The following DMBT1 variants were observed in gnomAD, a reference collection of about 807,000 sequenced individuals.
DMBT1 encodes the protein deleted in malignant brain tumors 1.
Under a neutral mutation model 252.9 loss-of-function variants are expected in DMBT1, and 198 were observed. The observed-to-expected ratio is 0.78, with a 90% CI of 0.70 to 0.88. The LOEUF (loss-of-function observed/expected upper bound fraction) is 0.88. Among genes scored for constraint, DMBT1 ranks in the 40% least tolerant of loss-of-function variants. The pLI is 0.00. For synonymous variants in DMBT1, 990 were observed against 942.7 expected, an observed-to-expected ratio of 1.05 and a Z score of -0.92; for missense variants, 2,432 against 2,404.7, an observed-to-expected ratio of 1.01 and a Z score of -0.24.
chr10:122,635,575 G>A (rs1195371938), intron 52 of DMBT1, among the ~76,000 whole-genome samples: 2 of 152,120 alleles, frequency 1.3e-5, no homozygotes, highest in African/African-American at 4.8e-5. Context: ...TTTTGAGACA[G>A]GGCCTCACTC....
intron 1 of DMBT1, among the ~76,000 whole-genome samples, chr10:122,563,688 T>A (rs1175697799): frequency 2.0e-5 from 3 of 152,028 alleles, no homozygotes; most frequent in Admixed American, 6.5e-5. Context: ...TACAGCTATG[T>A]GGTTGATTCT....
rs369664042 is a variant in DMBT1 at position 122,636,102 on chromosome 10, C to G, written c.6660C>G (p.Ser2220=). The change falls in exon 53 of 56, where the codon TCC becomes TCG. Residue 2220 remains serine (S), a synonymous_variant. Transcript: ENST00000338354. ...GGGCCAGAGGCTCCTTCACTTCTTCCTCCAACTTCATGTCCATTCGCTTCA... is the reference window on the plus strand; with the variant it reads ...GGGCCAGAGGCTCCTTCACTTCTTCGTCCAACTTCATGTCCATTCGCTTCA... The part of the protein sequence containing the change: ...CDGARGSFTS[S]SNFMSIRFIS... 29 of 1,614,008 alleles carry G rather than the reference C, an allele frequency of 1.8e-5. No homozygotes were observed. In the African/African-American group the frequency reaches 3.6e-4, roughly 20 times the overall value.
chr10:122,620,974 G>T, intron 43 of DMBT1, 83 bp from the exon 44 acceptor site: 1 of 1,586,312 alleles, frequency 6.3e-7, no homozygotes, highest in Non-Finnish European at 8.6e-7. Flanking sequence ...TTGGCCATTA[G>T]GAAGTGCCCT....
chr10:122,643,496 C>T lies in DMBT1; in HGVS notation c.*98C>T. 2 of 1,453,682 alleles carry T rather than the reference C, an allele frequency of 1.4e-6. No individual in the cohort carries two copies. The highest frequency in any genetic ancestry group is 1.8e-6 in the Non-Finnish European group (2 of 1,083,658). The allele number at this position is 1,453,682 out of a possible 1,614,324, so 90.0% of individuals were successfully genotyped here. A position where few individuals can be genotyped will look rare whatever the true frequency, so the allele number is the denominator to read the frequency against. Reference sequence around the variant, plus strand: ...GTGTCATATTCCAACTCAGATTGAGCCCTACATTGTGCTGCACCTGGTCAT... The same window carrying T: ...GTGTCATATTCCAACTCAGATTGAGTCCTACATTGTGCTGCACCTGGTCAT... On this transcript the variant is annotated 3_prime_UTR_variant, in exon 56 of 56. Transcript: ENST00000338354.
Position 122,573,767 on chromosome 10 carries a change from C to G in DMBT1, c.283+5C>G, listed in dbSNP as rs372835037. On this transcript the variant is annotated splice_donor_5th_base_variant and intron_variant, in intron 6 of 55. Coordinates refer to ENST00000338354, the MANE Select transcript of DMBT1 (RefSeq NM_001377530.1). ...TGGAGTCAACTGTAGCAGAAGGTAA[C>G]GTCTACTATGGGGGATCCCTGTAGG... 2 of 1,613,560 alleles carry G rather than the reference C, an allele frequency of 1.2e-6. No individual in the cohort carries two copies. The highest frequency in any genetic ancestry group is 1.3e-5 in the African/African-American group (1 of 74,914).
intron 46 of DMBT1, 127 bp from the exon 47 acceptor site, chr10:122,629,713 A>T: frequency 8.5e-7 from 1 of 1,171,412 alleles, no homozygotes; most frequent in Non-Finnish European, 1.2e-6. Flanking sequence ...GGACTTGTTT[A>T]CAGGGAAAGT....
At chr10:122,590,844 C>A in intron 18 of DMBT1, 150 bp downstream of exon 18, 2 of 1,044,418 alleles carry the variant, frequency 1.9e-6, no homozygotes, top group Admixed American at 2.1e-5. Context: ...TAGCATGGAG[C>A]TTCTTAACCA....
chr10:122,593,154 G>T lies in DMBT1; in HGVS notation c.2501-415G>T, dbSNP rs187442771. 1.4e-4 allele frequency among the ~76,000 whole-genome samples: 21 copies of T among 148,970 alleles called. 4 individuals carry two copies. In the East Asian group the frequency reaches 3.5e-3, roughly 25 times the overall value. On this transcript the variant is annotated intron_variant, in intron 20 of 55. Coordinates refer to ENST00000338354, the MANE Select transcript of DMBT1 (RefSeq NM_001377530.1). Reference sequence around the variant, plus strand: ...TCAGAACGCTGCAGAGCACTGCCTTGCCCTGGGTCTGGTGTGGGGAGGGCA... The same window carrying T: ...TCAGAACGCTGCAGAGCACTGCCTTTCCCTGGGTCTGGTGTGGGGAGGGCA...
intron 46 of DMBT1, among the ~76,000 whole-genome samples, chr10:122,626,275 T>C (rs1227169845): frequency 1.3e-5 from 2 of 152,236 alleles, no homozygotes; most frequent in African/African-American, 4.8e-5. Context: ...ACCATATGGC[T>C]ATGTTTCAAT....
chr10:122,634,164 C>A (rs1266753688), intron 52 of DMBT1, among the ~76,000 whole-genome samples: 1 of 152,070 alleles, frequency 6.6e-6, no homozygotes, highest in Non-Finnish European at 1.5e-5. Flanking sequence ...ACAAAAAGAA[C>A]AATTGTATCT....
chr10:122,598,811 A>T lies in DMBT1; in HGVS notation c.2994A>T (p.Gly998=), dbSNP rs556706179. Residue 998 remains glycine, a synonymous_variant, in exon 26 of 56, where the codon GGA becomes GGT. Transcript: ENST00000338354. The stretch of plus-strand genomic sequence containing the variant: ...GTTTGGCCCTGAGGCTGGTGAATGG[A>T]GGTGACAGGTGTCAGGGCCGAGTGG... ...ESSLALRLVN[G]GDRCQGRVEV... is the part of the protein sequence containing the mutation. 6.2e-7 allele frequency: 1 copy of T among 1,613,438 alleles called. No homozygotes were observed. The highest frequency in any genetic ancestry group is 1.1e-5 in the South Asian group (1 of 91,044).
Position 122,591,382 on chromosome 10 carries a change from G to A in DMBT1, c.2138-97G>A, listed in dbSNP as rs2097847923. On this transcript the variant is annotated intron_variant, in intron 18 of 55. Transcript: ENST00000338354. Reference sequence around the variant, plus strand: ...CAAGTGGCAGGAACTAGAAATGGAAGAATATTCATGATGCTTGCCTTGTCC... The same window carrying A: ...CAAGTGGCAGGAACTAGAAATGGAAAAATATTCATGATGCTTGCCTTGTCC... The A allele has an allele frequency of 2.2e-6, 3 of 1,344,760 alleles. 1 individual carries two copies. The East Asian group carries it at 7.4e-5, about 33-fold the overall frequency. The allele number at this position is 1,344,760 out of a possible 1,614,324, so 83.3% of individuals were successfully genotyped here.
intron 44 of DMBT1, among the ~76,000 whole-genome samples, chr10:122,622,778 T>C (rs1019659246): frequency 2.6e-5 from 4 of 152,216 alleles, no homozygotes; most frequent in African/African-American, 9.6e-5. Context: ...TAGGCTCTAC[T>C]TGAATCTTGT....
At chr10:122,568,762 G>T (rs1270306017) in intron 2 of DMBT1, among the ~76,000 whole-genome samples, 2 of 152,194 alleles carry the variant, frequency 1.3e-5, no homozygotes, top group East Asian at 3.9e-4. Flanking sequence ...CCTGGGCGGG[G>T]CCCACTTTGG....
chr10:122,566,683 C>T (rs1021409221), intron 2 of DMBT1, among the ~76,000 whole-genome samples: 2 of 152,240 alleles, frequency 1.3e-5, no homozygotes, highest in African/African-American at 2.4e-5. Context: ...GTTATATACC[C>T]TGCATAAAAT....
intron 18 of DMBT1, among the ~76,000 whole-genome samples, 179 bp downstream of exon 18, chr10:122,590,873 T>C (rs1389481644): frequency 6.7e-6 from 1 of 148,322 alleles, no homozygotes; most frequent in African/African-American, 2.4e-5. Flanking sequence ...TAAGAAGGTA[T>C]GATCTTTCTA....
At chr10:122,589,350 CAG>C (rs2097826376) in intron 17 of DMBT1, 83 bp downstream of exon 17, 1 of 1,552,934 alleles carries the variant, frequency 6.4e-7, no homozygotes, top group Admixed American at 1.8e-5. Flanking sequence ...TCTCCTCACT[CAG>C]AGCTTTTTCA....
rs142752836 is a variant in DMBT1, at chr10:122,598,261, T to C, written c.2956+249T>C. ...TCAGGAAACATCCTCATCCAGGTGC[T>C]GAGGAAAAGCCCTGGAGGGTTCCCT... On this transcript the variant is annotated intron_variant, in intron 25 of 55. Transcript: ENST00000338354. 1.7e-3 allele frequency among the ~76,000 whole-genome samples: 258 copies of C among 152,196 alleles called. 2 individuals are homozygous for C. The highest frequency in any genetic ancestry group is 5.6e-3 in the African/African-American group (233 of 41,490).
intron 9 of DMBT1, 131 bp from the exon 10 acceptor site, chr10:122,579,447 G>T: frequency 6.5e-7 from 1 of 1,549,224 alleles, no homozygotes; most frequent in Non-Finnish European, 8.8e-7. Flanking sequence ...AGCCTAGTCT[G>T]TGGTCATATG....
Sources: allele counts gnomAD v4.1 joint callset (sites outside exome capture counted in the v4.1 genomes callset), GRCh38; gene constraint gnomAD v4.1.1; transcripts MANE v1.5; gene names NCBI Gene and HGNC (gene_info 2026-07-23, HGNC 2026-07-21).